The following NARF variants were observed in gnomAD, a reference collection of about 807,000 sequenced individuals.
NARF encodes iron-only hydrogenase-like protein 2.
NARF carries 41 observed loss-of-function variants against 48.0 expected under a neutral mutation model. That is an observed-to-expected ratio of 0.85 (90% CI 0.66 to 1.11). The LOEUF (loss-of-function observed/expected upper bound fraction) is 1.11. Among genes scored for constraint, NARF ranks in the 50% least tolerant of loss-of-function variants. The pLI, the probability that NARF is intolerant of heterozygous loss-of-function variation, is 0.00. For synonymous variants in NARF, 215 were observed against 225.5 expected, an observed-to-expected ratio of 0.95 and a Z score of 0.42; for missense variants, 613 against 590.2, an observed-to-expected ratio of 1.04 and a Z score of -0.40.
At chr17:82,483,180 G>A (rs1157178616) in intron 7 of NARF, 7 of 254,366 alleles carry the variant, frequency 2.8e-5, no homozygotes, top group South Asian at 6.5e-5. Flanking sequence ...TTAGCCAGGC[G>A]TGGTAGTGCA....
intron 7 of NARF, chr17:82,482,235 C>T (rs2043981537): frequency 1.2e-5 from 5 of 432,346 alleles, no homozygotes; most frequent in South Asian, 8.1e-5. Flanking sequence ...ATGTCCCTCA[C>T]AGGCCCCTGA....
chr17:82,481,586 C>T (rs1437231219), intron 7 of NARF, among the ~76,000 whole-genome samples: 10 of 152,034 alleles, frequency 6.6e-5, no homozygotes, highest in African/African-American at 2.2e-4. Flanking sequence ...AAAAACTAGC[C>T]GGGCATGGTG....
chr17:82,461,982 A>G (rs1599815099), intron 2 of NARF, among the ~76,000 whole-genome samples: 1 of 152,318 alleles, frequency 6.6e-6, no homozygotes, highest in South Asian at 2.1e-4. Flanking sequence ...AGCTGGGGCC[A>G]GTGCGCCTGA....
intron 5 of NARF, 83 bp from the exon 6 acceptor site, chr17:82,478,717 C>A: frequency 7.3e-7 from 1 of 1,371,552 alleles, no homozygotes; most frequent in Non-Finnish European, 1.0e-6. Flanking sequence ...GCGGCAGGGA[C>A]TCGAGCTCAG....
intron 4 of NARF, among the ~76,000 whole-genome samples, chr17:82,472,351 G>T (rs2043729640): frequency 6.6e-6 from 1 of 152,066 alleles, no homozygotes. Context: ...AGGCATGATG[G>T]CGGGCACCTG....
At chr17:82,466,739 C>T (rs1232883113) in intron 3 of NARF, among the ~76,000 whole-genome samples, 2 of 152,164 alleles carry the variant, frequency 1.3e-5, no homozygotes, top group African/African-American at 4.8e-5. Context: ...AGACGTGAGC[C>T]ACCACACCCG....
In NARF at chr17:82,474,146, A is replaced by G. The variant is rs964783179; in HGVS notation, c.520+1448A>G. On this transcript the variant is annotated intron_variant, in intron 5 of 10. Transcript: ENST00000309794. ...CAGTGAGCTATGACTCCTCCATTGTACTCCAGCCTGGGCGAAAGACTGAGG... is the reference window on the plus strand; with the variant it reads ...CAGTGAGCTATGACTCCTCCATTGTGCTCCAGCCTGGGCGAAAGACTGAGG... 2.6e-5 allele frequency among the ~76,000 whole-genome samples: 4 copies of G among 152,150 alleles called. No individual in the cohort carries two copies. The South Asian group carries it at 6.2e-4, about 24-fold the overall frequency.
chr17:82,466,015 C>A (rs2043557771), intron 3 of NARF, among the ~76,000 whole-genome samples: 2 of 152,204 alleles, frequency 1.3e-5, no homozygotes, highest in Non-Finnish European at 2.9e-5. Flanking sequence ...AGGAGATGCC[C>A]CCCACCCATC....
chr17:82,464,854 G>A lies in NARF; in HGVS notation c.252+424G>A, dbSNP rs956578745. Among the ~76,000 whole-genome samples, 8 of 152,326 alleles carry A rather than the reference G, an allele frequency of 5.3e-5. No homozygotes were observed. The East Asian group carries it at 1.4e-3, about 26-fold the overall frequency. ...GGCAAGGCAGAGACACTCCAAGGAA[G>A]TAAAAATTCCCAAAGCTCCTTCCTT... On this transcript the variant is annotated intron_variant, in intron 3 of 10. Transcript: ENST00000309794.
intron 4 of NARF, among the ~76,000 whole-genome samples, chr17:82,470,733 A>T (rs1200952251): frequency 6.6e-6 from 1 of 152,002 alleles, no homozygotes; most frequent in African/African-American, 2.4e-5. Context: ...TGACCTCATG[A>T]TCTAACCGCC....
At chr17:82,478,513 C>T (rs762609340) in intron 5 of NARF, 26 of 503,064 alleles carry the variant, frequency 5.2e-5, no homozygotes, top group Non-Finnish European at 1.0e-4. Flanking sequence ...TGCTTGTTCC[C>T]CTTCACCTTT....
intron 4 of NARF, among the ~76,000 whole-genome samples, chr17:82,472,313 T>C (rs1254838804): frequency 1.3e-5 from 2 of 151,978 alleles, no homozygotes; most frequent in African/African-American, 4.8e-5. Context: ...TGAAACCTCA[T>C]CTCTACTAAA....
intron 5 of NARF, among the ~76,000 whole-genome samples, chr17:82,475,596 C>T (rs1013640608): frequency 6.6e-6 from 1 of 152,134 alleles, no homozygotes; most frequent in African/African-American, 2.4e-5. Flanking sequence ...CCCTGTCAAT[C>T]ATACATATAT....
chr17:82,488,325 G>A lies in NARF; in HGVS notation c.*168G>A. On this transcript the variant is annotated 3_prime_UTR_variant, in exon 11 of 11. Transcript: ENST00000309794. ...ACCCCGTTTATTGGAGGCCCCTCAG[G>A]CAGTTTCATGTGGTGCTATCTTCAT... 9.4e-7 allele frequency: 1 copy of A among 1,067,008 alleles called. No homozygotes were observed. Among genetic ancestry groups the A allele is most frequent in the Non-Finnish European group, 1.3e-6 (1 of 765,500 alleles). The allele number at this position is 1,067,008 out of a possible 1,614,324, so 66.1% of individuals were successfully genotyped here. A position where few individuals can be genotyped will look rare whatever the true frequency, so the allele number is the denominator to read the frequency against.
intron 6 of NARF, chr17:82,480,397 A>T (rs1467043618): frequency 1.0e-5 from 4 of 400,754 alleles, no homozygotes; most frequent in East Asian, 3.6e-5. Flanking sequence ...TTTTGTCCCC[A>T]TGTGCACAGG....
At chr17:82,460,185 G>C in intron 2 of NARF, 113 bp downstream of exon 2, 1 of 882,664 alleles carries the variant, frequency 1.1e-6, no homozygotes, top group Non-Finnish European at 1.7e-6. Flanking sequence ...ACTGAAGTAC[G>C]CGGGCATGGT....
chr17:82,485,150 G>A (rs974806373), intron 9 of NARF, among the ~76,000 whole-genome samples, 200 bp downstream of exon 9: 1 of 152,130 alleles, frequency 6.6e-6, no homozygotes, highest in Non-Finnish European at 1.5e-5. Context: ...GGCCGGGTGC[G>A]GTGGCTCGTG....
chr17:82,479,849 A>G (rs1372908374), intron 6 of NARF: 1 of 152,292 alleles, frequency 6.6e-6, no homozygotes, highest in African/African-American at 2.4e-5. Context: ...CAGAGTATAC[A>G]CGTTCAGTTT....
rs1052926935 is a variant in NARF, at chr17:82,484,978, G to A, written c.971+28G>A. On this transcript the variant is annotated intron_variant, in intron 9 of 10. Coordinates refer to ENST00000309794, the MANE Select transcript of NARF (RefSeq NM_012336.4). ...GTGGGGCAGTATCCACAGCCTGTCT[G>A]TGCCTGTGGTTAGCACGTGTGCATG... 1.9e-6 allele frequency: 3 copies of A among 1,572,812 alleles called. No individual in the cohort carries two copies. In the African/African-American group the frequency reaches 4.1e-5, roughly 21 times the overall value.
Sources: gnomAD v4.1 joint callset for allele counts (sites outside exome capture counted in the v4.1 genomes callset) on GRCh38, gnomAD v4.1.1 for gene constraint, MANE v1.5 for transcripts, NCBI Gene and HGNC (gene_info 2026-07-23, HGNC 2026-07-21) for gene names.